TCOF1: variants seen among roughly 807,000 people sequenced by gnomAD.
TCOF1 encodes treacle protein.
A neutral mutation model predicts 149.0 loss-of-function variants in TCOF1; 33 were observed. The ratio of observed to expected loss-of-function variants is 0.22; its 90% CI spans 0.17 to 0.30. The LOEUF (loss-of-function observed/expected upper bound fraction) is 0.30. Ranked by LOEUF, TCOF1 falls within the 10% of genes least tolerant of loss-of-function variation. The pLI is 1.00. For synonymous variants in TCOF1, 789 were observed against 738.8 expected, an observed-to-expected ratio of 1.07 and a Z score of -1.10; for missense variants, 1,728 against 1,840.7, an observed-to-expected ratio of 0.94 and a Z score of 1.12.
rs1298777723 is a variant in TCOF1 at position 150,392,779 on chromosome 5, G to T, written c.3592G>T (p.Ala1198Ser). 1 of 1,613,898 alleles carries T rather than the reference G, an allele frequency of 6.2e-7. No homozygotes were observed. The highest frequency in any genetic ancestry group is 8.5e-7 in the Non-Finnish European group (1 of 1,179,992). ...AAESSEDDVV[A>S]PSQSLLSGYM... ...AGAGTCCAGCGAGGATGATGTGGTGGCGCCATCCCAGGTAACTGCAAGGGA... is the reference window on the plus strand; with the variant it reads ...AGAGTCCAGCGAGGATGATGTGGTGTCGCCATCCCAGGTAACTGCAAGGGA... The change falls in exon 22 of 27, where the codon GCG becomes TCG. Residue 1198 changes from alanine (A) to serine (S), a missense_variant. Physicochemically the swap from Ala to Ser is moderately conservative, Grantham distance 99. Transcript: ENST00000643257.
At chr5:150,369,368 A>C (rs572588953) in intron 5 of TCOF1, among the ~76,000 whole-genome samples, 161 bp from the exon 6 acceptor site, 1 of 152,244 alleles carries the variant, frequency 6.6e-6, no homozygotes, top group Non-Finnish European at 1.5e-5. Context: ...GATGGTACCC[A>C]CCTCAGAAGG....
chr5:150,359,656 TC>T (rs1759571440), intron 1 of TCOF1, among the ~76,000 whole-genome samples: 1 of 152,190 alleles, frequency 6.6e-6, no homozygotes. Flanking sequence ...CACTTGCTCT[TC>T]CTACCGCAGC....
chr5:150,368,022 C>A, intron 4 of TCOF1, 105 bp downstream of exon 4: 1 of 1,285,402 alleles, frequency 7.8e-7, no homozygotes, highest in African/African-American at 1.5e-5. Context: ...AATTGCCCCA[C>A]CTGGATTCAG....
At chr5:150,359,793 A>C (rs1458994277) in intron 1 of TCOF1, among the ~76,000 whole-genome samples, 10 of 152,204 alleles carry the variant, frequency 6.6e-5, no homozygotes, top group Non-Finnish European at 1.3e-4. Context: ...AAGTTTAATA[A>C]GTTAATGATA....
intron 2 of TCOF1, among the ~76,000 whole-genome samples, chr5:150,363,080 T>G (rs1760531101): frequency 6.6e-6 from 1 of 152,114 alleles, no homozygotes; most frequent in Non-Finnish European, 1.5e-5. Context: ...CCATATAAAG[T>G]GCTAAAACTA....
In TCOF1 at chr5:150,390,464, G is replaced by A. The variant is rs550760359; in HGVS notation, c.3183+441G>A. ...CTGGGCATTTTAGGGTTAATGGCTGGTGCATTGTTTAGATCATAAAACTTA... is the reference window on the plus strand; with the variant it reads ...CTGGGCATTTTAGGGTTAATGGCTGATGCATTGTTTAGATCATAAAACTTA... On this transcript the variant is annotated intron_variant, in intron 19 of 26. Transcript: ENST00000643257. 1.5e-3 allele frequency among the ~76,000 whole-genome samples: 232 copies of A among 152,266 alleles called. 2 individuals are homozygous for A. The highest frequency in any genetic ancestry group is 2.6e-3 in the Non-Finnish European group (176 of 68,034).
intron 1 of TCOF1, among the ~76,000 whole-genome samples, chr5:150,360,176 G>A (rs1164489071): frequency 6.6e-6 from 1 of 152,202 alleles, no homozygotes; most frequent in Non-Finnish European, 1.5e-5. Context: ...AGGTATCGCT[G>A]TTGTCCCCAT....
chr5:150,397,153 C>CAAAAAAAAA (rs58246300), intron 24 of TCOF1, among the ~76,000 whole-genome samples: 4 of 88,710 alleles, frequency 4.5e-5, no homozygotes, highest in Admixed American at 1.4e-4. Context: ...GCAAGACTGT[C>CAAAAAAAAA]AAAAAAAAAA....
At chr5:150,379,932 C>T in intron 17 of TCOF1, 200 bp downstream of exon 17, 1 of 594,498 alleles carries the variant, frequency 1.7e-6, no homozygotes, top group South Asian at 1.7e-5. Flanking sequence ...ATTAGCTGGG[C>T]ATGGTGGCGG....
rs1292320235 is a variant in TCOF1 at position 150,375,092 on chromosome 5, G to A, written c.1417G>A (p.Glu473Lys). The A allele has an allele frequency of 2.5e-6, 4 of 1,614,076 alleles. No individual in the cohort carries two copies. In the African/African-American group the frequency reaches 4.0e-5, roughly 16 times the overall value. ...CCAGGTCCAGGTGGGGAAGCAGGAG[G>A]AGGACTCAAGAAGCAGCAGCGAGGA... ...AAQVQVGKQEEDSRSSSEESD... is the reference protein window; with the variant it reads ...AAQVQVGKQEKDSRSSSEESD... Residue 473 changes from glutamate (E) to lysine (K), a missense_variant, in exon 10 of 27, where the codon GAG (glutamate) becomes AAG (lysine). Coordinates refer to ENST00000643257, the MANE Select transcript of TCOF1 (RefSeq NM_001371623.1).
At chr5:150,368,382 G>A in intron 4 of TCOF1, 1 of 403,030 alleles carries the variant, frequency 2.5e-6, no homozygotes, top group Non-Finnish European at 4.6e-6. Flanking sequence ...ATACATACAT[G>A]TATAAAGAAT....
At chr5:150,367,723 T>C in intron 3 of TCOF1, 121 bp from the exon 4 acceptor site, 4 of 1,154,388 alleles carry the variant, frequency 3.5e-6, no homozygotes, top group Non-Finnish European at 5.1e-6. Context: ...CAGCCTCAGA[T>C]CCTCATGCCA....
At chr5:150,385,522 G>A (rs1168023281) in intron 17 of TCOF1, among the ~76,000 whole-genome samples, 1 of 152,176 alleles carries the variant, frequency 6.6e-6, no homozygotes, top group Non-Finnish European at 1.5e-5. Flanking sequence ...CCCTGGAGTG[G>A]GGCTGGCCTA....
chr5:150,368,407 T>G, intron 4 of TCOF1: 1 of 435,860 alleles, frequency 2.3e-6, no homozygotes, highest in Non-Finnish European at 4.2e-6. Flanking sequence ...CCTCTGCGAT[T>G]GCCTGGAGCA....
chr5:150,371,954 AG>A, intron 6 of TCOF1, 51 bp from the exon 7 acceptor site: 2 of 1,534,196 alleles, frequency 1.3e-6, no homozygotes. Context: ...ACAGAACCTT[AG>A]GGGGAAACAG....
At chr5:150,372,324 A>T (rs1762729373) in intron 7 of TCOF1, 88 bp downstream of exon 7, 3 of 1,165,764 alleles carry the variant, frequency 2.6e-6, no homozygotes, top group Admixed American at 4.6e-5. Flanking sequence ...CTGCCACTGG[A>T]GTTGGGGAGA....
intron 1 of TCOF1, among the ~76,000 whole-genome samples, chr5:150,360,371 G>A (rs754037798): frequency 1.2e-4 from 19 of 152,138 alleles, no homozygotes; most frequent in Non-Finnish European, 2.1e-4. Context: ...TCCACCAAGG[G>A]ACTGGTACCA....
In TCOF1 at chr5:150,392,940, G is replaced by A. The variant is rs931081878; in HGVS notation, c.3603+150G>A. ...AGGTCCTGTCTGCAAGGCACCACGTGTGGCCCAGCCAGCAGACCACAGCCA... is the reference window on the plus strand; with the variant it reads ...AGGTCCTGTCTGCAAGGCACCACGTATGGCCCAGCCAGCAGACCACAGCCA... On this transcript the variant is annotated intron_variant, in intron 22 of 26. Coordinates refer to ENST00000643257, the MANE Select transcript of TCOF1 (RefSeq NM_001371623.1). The A allele has an allele frequency of 7.4e-6, 7 of 946,126 alleles. No homozygotes were observed. The African/African-American group carries it at 9.7e-5, about 13-fold the overall frequency. 58.6% of individuals were successfully genotyped at this position (946,126 alleles called of 1,614,324 possible).
At chr5:150,369,656 G>A (rs1296408622) in intron 6 of TCOF1, 54 bp downstream of exon 6, 1 of 1,597,710 alleles carries the variant, frequency 6.3e-7, no homozygotes, top group African/African-American at 1.3e-5. Flanking sequence ...AACCCTTCCA[G>A]GAACCTGTCT....
Sources: allele counts gnomAD v4.1 joint callset (sites outside exome capture counted in the v4.1 genomes callset), GRCh38; gene constraint gnomAD v4.1.1; transcripts MANE v1.5; gene names NCBI Gene and HGNC (gene_info 2026-07-23, HGNC 2026-07-21).